RAB23: variants seen among roughly 807,000 people sequenced by gnomAD.
The protein encoded by RAB23 is RAB23, member RAS oncogene family, also known as ras-related protein Rab-23.
A neutral mutation model predicts 30.0 loss-of-function variants in RAB23; 15 were observed. That is an observed-to-expected ratio of 0.50 (90% CI 0.33 to 0.77). The LOEUF (loss-of-function observed/expected upper bound fraction) is 0.77, where lower values mean the gene tolerates loss of function less well. Ranked by LOEUF, RAB23 falls within the 30% of genes least tolerant of loss-of-function variation. The pLI, the probability that RAB23 is intolerant of heterozygous loss-of-function variation, is 0.02. For missense variants in RAB23, 243 were observed against 275.4 expected (o/e 0.88, Z 0.83); for synonymous variants, 93 against 94.0 (o/e 0.99, Z 0.06).
At chr6:57,201,656 T>C (rs554448323) in intron 3 of RAB23, among the ~76,000 whole-genome samples, 1 of 152,362 alleles carries the variant, frequency 6.6e-6, no homozygotes, top group Admixed American at 6.5e-5. Context: ...ATAAAACTTA[T>C]ATTAAATAAA....
intron 1 of RAB23, among the ~76,000 whole-genome samples, chr6:57,218,192 A>C (rs1765917730): frequency 6.6e-6 from 1 of 152,266 alleles, no homozygotes; most frequent in African/African-American, 2.4e-5. Context: ...AATAGAGACG[A>C]GGAAACACTT....
At chr6:57,203,283 G>A (rs1765338121) in intron 3 of RAB23, among the ~76,000 whole-genome samples, 1 of 152,136 alleles carries the variant, frequency 6.6e-6, no homozygotes, top group African/African-American at 2.4e-5. Context: ...TGGGATTACA[G>A]GCGTGAGCCA....
chr6:57,211,614 T>C (rs750472875), intron 1 of RAB23, among the ~76,000 whole-genome samples: 2 of 152,216 alleles, frequency 1.3e-5, no homozygotes, highest in African/African-American at 2.4e-5. Context: ...TGTATAATAG[T>C]GTACGACCAT....
At position 57,189,848 on chromosome 6, in the gene RAB23, TAA is replaced by T. The variant is rs1764766916; in HGVS notation, c.*611_*612del. 1 of 154,028 alleles carries T rather than the reference TAA, an allele frequency of 6.5e-6. No individual in the cohort carries two copies. The highest frequency in any genetic ancestry group is 6.4e-5 in the Admixed American group (1 of 15,546). 9.5% of individuals were successfully genotyped at this position (154,028 alleles called of 1,614,324 possible). A position where few individuals can be genotyped will look rare whatever the true frequency, so the allele number is the denominator to read the frequency against. On this transcript the variant is annotated 3_prime_UTR_variant, in exon 7 of 7. Transcript: ENST00000468148. The stretch of plus-strand genomic sequence containing the variant: ...TATACACAATATGTAAATGGTTTTA[TAA>T]GTGAATTAATTAGAATGTACATTTT...
chr6:57,194,172 A>G lies in RAB23; in HGVS notation c.482-238T>C, dbSNP rs142342284. ...GTAAATAAGTGAAATAATACTTGTA[A>G]TGATTGGCTCTTCTAAGTATCTGAA... is the stretch of plus-strand genomic sequence containing the variant. On this transcript the variant is annotated intron_variant, in intron 5 of 6. Transcript: ENST00000468148. 1.2e-3 allele frequency among the ~76,000 whole-genome samples: 177 copies of G among 152,222 alleles called. 1 individual carries two copies. The highest frequency in any genetic ancestry group is 3.2e-4 in the Non-Finnish European group (22 of 67,946).
At position 57,190,341 on chromosome 6, in the gene RAB23, C is replaced by G; in HGVS notation, c.*120G>C. The G allele has an allele frequency of 1.7e-6, 2 of 1,188,318 alleles. No homozygotes were observed. The highest frequency in any genetic ancestry group is 2.4e-5 in the East Asian group (1 of 42,550). The allele number at this position is 1,188,318 out of a possible 1,614,324, so 73.6% of individuals were successfully genotyped here. A position where few individuals can be genotyped will look rare whatever the true frequency, so the allele number is the denominator to read the frequency against. Reference sequence around the variant, plus strand: ...ACTGCAGAGCAATATTTAAGTCTGTCACTTTCAGAGAGCCATTAGGAGCAA... The same window carrying G: ...ACTGCAGAGCAATATTTAAGTCTGTGACTTTCAGAGAGCCATTAGGAGCAA... On this transcript the variant is annotated 3_prime_UTR_variant, in exon 7 of 7. Coordinates refer to ENST00000468148, the MANE Select transcript of RAB23 (RefSeq NM_016277.5).
At chr6:57,198,655 T>C (rs1365810676) in intron 3 of RAB23, among the ~76,000 whole-genome samples, 1 of 151,502 alleles carries the variant, frequency 6.6e-6, no homozygotes, top group Admixed American at 6.6e-5. Context: ...CACTCCAGCA[T>C]GGGCAAAAGG....
At chr6:57,196,333 A>G (rs1765020534) in intron 4 of RAB23, 117 bp downstream of exon 4, 2 of 1,211,624 alleles carry the variant, frequency 1.7e-6, no homozygotes, top group Non-Finnish European at 2.4e-6. Flanking sequence ...TAAGTCATTA[A>G]AGCCTTCAAA....
In RAB23 at chr6:57,187,631, A is replaced by C. The variant is rs1182713257; in HGVS notation, c.*2830T>G. On this transcript the variant is annotated 3_prime_UTR_variant, in exon 7 of 7. Coordinates refer to ENST00000468148, the MANE Select transcript of RAB23 (RefSeq NM_016277.5). ...ATGCTAATAATTAACAATATCTTAT[A>C]TTAAAAGGGTCCAACACTAAGTTGG... 1 of 152,192 alleles carries C rather than the reference A, an allele frequency of 6.6e-6. No homozygotes were observed. Among genetic ancestry groups the C allele is most frequent in the Non-Finnish European group, 1.5e-5 (1 of 68,030 alleles). The allele number at this position is 152,192 out of a possible 1,614,324, so 9.4% of individuals were successfully genotyped here.
At chr6:57,218,503 T>A (rs998569148) in intron 1 of RAB23, among the ~76,000 whole-genome samples, 2 of 152,182 alleles carry the variant, frequency 1.3e-5, no homozygotes, top group African/African-American at 4.8e-5. Flanking sequence ...ATTCAACATT[T>A]GTGAGAAAAC....
At position 57,203,996 on chromosome 6, in the gene RAB23, AT is replaced by A. The variant is rs1202216302; in HGVS notation, c.241+3631del. Among the ~76,000 whole-genome samples, 5 of 152,350 alleles carry A rather than the reference AT, an allele frequency of 3.3e-5. No individual in the cohort carries two copies. In the East Asian group the frequency reaches 9.6e-4, roughly 29 times the overall value. ...ATTTAGAAAGGCAACTTCTTTGGTC[AT>A]TTGTATGTTAGTACAATCATGAAAC... On this transcript the variant is annotated intron_variant, in intron 3 of 6. Transcript: ENST00000468148.
intron 3 of RAB23, among the ~76,000 whole-genome samples, chr6:57,200,644 T>C (rs189238052): frequency 1.8e-4 from 28 of 151,802 alleles, no homozygotes; most frequent in African/African-American, 5.1e-4. Flanking sequence ...TATCACCACC[T>C]GCTTCATCTC....
chr6:57,200,154 T>C (rs1382470828), intron 3 of RAB23, among the ~76,000 whole-genome samples: 6 of 151,854 alleles, frequency 4.0e-5, no homozygotes, highest in Admixed American at 1.3e-4. Flanking sequence ...TGGCTGATCC[T>C]GCTGCACAAC....
chr6:57,212,808 C>T (rs1287619665), intron 1 of RAB23, among the ~76,000 whole-genome samples: 1 of 151,986 alleles, frequency 6.6e-6, no homozygotes, highest in Non-Finnish European at 1.5e-5. Context: ...TGTTTGAGCC[C>T]AGGAGTTCAA....
chr6:57,190,430 T>G lies in RAB23; in HGVS notation c.*31A>C. 6.2e-7 allele frequency: 1 copy of G among 1,612,226 alleles called. No homozygotes were observed. Among genetic ancestry groups the G allele is most frequent in the African/African-American group, 1.3e-5 (1 of 75,006 alleles). ...ATGGGTTTCTTAATGCATTGCACAA[T>G]GTAATTCAATTGTTTTCCTCCCAAA... On this transcript the variant is annotated 3_prime_UTR_variant, in exon 7 of 7. Coordinates refer to ENST00000468148, the MANE Select transcript of RAB23 (RefSeq NM_016277.5).
At chr6:57,208,955 A>G (rs1021897305) in intron 2 of RAB23, among the ~76,000 whole-genome samples, 2 of 152,094 alleles carry the variant, frequency 1.3e-5, no homozygotes, top group African/African-American at 4.8e-5. Context: ...CAGCACTATA[A>G]CTCGTGCCTG....
intron 4 of RAB23, among the ~76,000 whole-genome samples, chr6:57,195,499 C>T (rs1168673108): frequency 6.6e-6 from 1 of 152,094 alleles, no homozygotes; most frequent in Non-Finnish European, 1.5e-5. Context: ...GTAGTCTCCT[C>T]CCACACTGTA....
Position 57,193,954 on chromosome 6 carries a change from C to T in RAB23, c.482-20G>A, listed in dbSNP as rs1205890908. ...TAAAAACTAGAATAAAAAGAAAACA[C>T]CCAGAACCAGGTCAATGATTTATGC... On this transcript the variant is annotated intron_variant, in intron 5 of 6. Coordinates refer to ENST00000468148, the MANE Select transcript of RAB23 (RefSeq NM_016277.5). 2.5e-6 allele frequency: 4 copies of T among 1,606,048 alleles called. No homozygotes were observed. Among genetic ancestry groups the T allele is most frequent in the Non-Finnish European group, 3.4e-6 (4 of 1,175,100 alleles).
At position 57,193,854 on chromosome 6, in the gene RAB23, T is replaced by C; in HGVS notation, c.562A>G (p.Ser188Gly). The C allele has an allele frequency of 6.2e-7, 1 of 1,612,908 alleles. No individual in the cohort carries two copies. The highest frequency in any genetic ancestry group is 8.5e-7 in the Non-Finnish European group (1 of 1,179,284). The change falls in exon 6 of 7, where the codon AGT becomes GGT. Residue 188 changes from serine (S) to glycine (G), a missense_variant. By Grantham distance (56) the Ser-to-Gly change is moderately conservative (BLOSUM62 0). Coordinates refer to ENST00000468148, the MANE Select transcript of RAB23 (RefSeq NM_016277.5). The stretch of plus-strand genomic sequence containing the variant: ...CCTATGTACTTACCAATCTTGTTAC[T>C]ACTTGAATGCGTTAGTTCTGGATCC... ...AEDPELTHSSSNKIGVFNTSG... is the reference protein window; with the variant it reads ...AEDPELTHSSGNKIGVFNTSG...
Sources: gnomAD v4.1 joint callset for allele counts (sites outside exome capture counted in the v4.1 genomes callset) on GRCh38, gnomAD v4.1.1 for gene constraint, MANE v1.5 for transcripts, NCBI Gene and HGNC (gene_info 2026-07-23, HGNC 2026-07-21) for gene names.